PCSK6: variants seen among roughly 807,000 people sequenced by gnomAD.
PCSK6 encodes the protein paired basic amino acid cleaving enzyme 4.
PCSK6 carries 85 observed loss-of-function variants against 123.3 expected under a neutral mutation model. The ratio of observed to expected loss-of-function variants is 0.69; its 90% CI spans 0.58 to 0.83. The LOEUF is 0.83. PCSK6 is among the 40% of genes least tolerant of loss of function. The pLI, the probability that PCSK6 is intolerant of heterozygous loss-of-function variation, is 0.00. For missense variants in PCSK6, 1,191 were observed against 1,282.3 expected, an observed-to-expected ratio of 0.93 and a Z score of 1.09; for synonymous variants, 508 against 516.0, an observed-to-expected ratio of 0.98 and a Z score of 0.21.
At chr15:101,434,589 G>A (rs572308268) in intron 2 of PCSK6, among the ~76,000 whole-genome samples, 16 of 152,340 alleles carry the variant, frequency 1.1e-4, no homozygotes, top group African/African-American at 3.4e-4. Context: ...CCTGCGGCCC[G>A]CAGCACAGTT....
At chr15:101,315,374 C>T (rs1441886415) in intron 19 of PCSK6, among the ~76,000 whole-genome samples, 1 of 152,200 alleles carries the variant, frequency 6.6e-6, no homozygotes, top group Admixed American at 6.5e-5. Context: ...TTTCATAACT[C>T]AGTGAAAGTC....
intron 2 of PCSK6, among the ~76,000 whole-genome samples, chr15:101,440,964 C>A (rs948300051): frequency 1.3e-5 from 2 of 152,166 alleles, no homozygotes; most frequent in African/African-American, 4.8e-5. Flanking sequence ...TGTCTGTGTG[C>A]TTTCCCTGGG....
At chr15:101,484,543 C>G (rs768704516) in intron 1 of PCSK6, among the ~76,000 whole-genome samples, 10 of 152,198 alleles carry the variant, frequency 6.6e-5, no homozygotes, top group Non-Finnish European at 1.3e-4. Flanking sequence ...CGTGCACCAC[C>G]ACGCCCAGCT....
At chr15:101,436,402 C>A (rs967197593) in intron 2 of PCSK6, among the ~76,000 whole-genome samples, 2 of 152,188 alleles carry the variant, frequency 1.3e-5, no homozygotes, top group Non-Finnish European at 2.9e-5. Flanking sequence ...ACAGTTGTAG[C>A]CAACGCAAGG....
chr15:101,304,439 T>C lies in PCSK6; in HGVS notation c.*819A>G, dbSNP rs1310308794. ...TGGCTTTACATTTTGTTCAGAGGAA[T>C]TGCTTGGCCATCGGGGTACCTTTTG... On this transcript the variant is annotated 3_prime_UTR_variant, in exon 22 of 22. Coordinates refer to ENST00000611716, the MANE Select transcript of PCSK6 (RefSeq NM_002570.5). 1 of 152,194 alleles carries C rather than the reference T, an allele frequency of 6.6e-6. No individual in the cohort carries two copies. The highest frequency in any genetic ancestry group is 1.5e-5 in the Non-Finnish European group (1 of 68,020). 9.4% of individuals were successfully genotyped at this position (152,194 alleles called of 1,614,324 possible).
At chr15:101,342,418 G>C (rs536850625) in intron 13 of PCSK6, among the ~76,000 whole-genome samples, 18 of 152,224 alleles carry the variant, frequency 1.2e-4, no homozygotes, top group African/African-American at 4.1e-4. Context: ...GAGATAAAGT[G>C]GAATGCTGAC....
chr15:101,423,994 G>A (rs1338407049), intron 6 of PCSK6, among the ~76,000 whole-genome samples: 1 of 152,148 alleles, frequency 6.6e-6, no homozygotes, highest in African/African-American at 2.4e-5. Context: ...AGGCTGAGGT[G>A]GGAGGATCGC....
At chr15:101,320,502 G>C (rs937909623) in intron 18 of PCSK6, among the ~76,000 whole-genome samples, 1 of 152,150 alleles carries the variant, frequency 6.6e-6, no homozygotes, top group African/African-American at 2.4e-5. Context: ...TTGTGTGTGA[G>C]AGTAGGAGAA....
intron 1 of PCSK6, among the ~76,000 whole-genome samples, chr15:101,479,533 G>A (rs1417327526): frequency 6.6e-6 from 1 of 152,210 alleles, no homozygotes; most frequent in Non-Finnish European, 1.5e-5. Flanking sequence ...CATGGGCTGG[G>A]TGGCAGGGGA....
chr15:101,488,023 C>T (rs565189265), intron 1 of PCSK6, among the ~76,000 whole-genome samples: 1 of 152,274 alleles, frequency 6.6e-6, no homozygotes, highest in South Asian at 2.1e-4. Context: ...TCGAACCTGC[C>T]TTGTGAAGAT....
rs543739345 is a variant in PCSK6, at chr15:101,304,985, G to A, written c.*273C>T. The A allele has an allele frequency of 2.2e-6, 1 of 446,874 alleles. No individual in the cohort carries two copies. The highest frequency in any genetic ancestry group is 2.0e-5 in the African/African-American group (1 of 50,836). The allele number at this position is 446,874 out of a possible 1,614,324, so 27.7% of individuals were successfully genotyped here. A position where few individuals can be genotyped will look rare whatever the true frequency, so the allele number is the denominator to read the frequency against. On this transcript the variant is annotated 3_prime_UTR_variant, in exon 22 of 22. Transcript: ENST00000611716. ...GGTCCCAGAAGCTGCTCCAAAGCCAGAGCTGTGGATTCCCAGAATTCATTT... is the reference window on the plus strand; with the variant it reads ...GGTCCCAGAAGCTGCTCCAAAGCCAAAGCTGTGGATTCCCAGAATTCATTT...
Position 101,373,740 on chromosome 15 carries a change from G to GA in PCSK6, c.1533-3218dup, listed in dbSNP as rs566425053. Among the ~76,000 whole-genome samples the GA allele has an allele frequency of 6.7e-4, 102 of 152,180 alleles. 1 individual carries two copies. Among genetic ancestry groups the GA allele is most frequent in the Non-Finnish European group, 1.3e-3 (86 of 67,994 alleles). ...CAAGACAGAAAGTAGAACAGTCAAT[G>GA]AAAAAAACAGAAGTGGTTCTCCACC... On this transcript the variant is annotated intron_variant, in intron 11 of 21. Transcript: ENST00000611716.
intron 1 of PCSK6, among the ~76,000 whole-genome samples, chr15:101,454,863 T>C (rs1363868084): frequency 6.6e-6 from 1 of 152,068 alleles, no homozygotes; most frequent in Non-Finnish European, 1.5e-5. Context: ...GAGAATCGCT[T>C]GAACCCAGGA....
Position 101,398,275 on chromosome 15 carries a change from G to A in PCSK6, c.996+129C>T. The A allele has an allele frequency of 1.7e-6, 2 of 1,164,908 alleles. No individual in the cohort carries two copies. Among genetic ancestry groups the A allele is most frequent in the Non-Finnish European group, 1.2e-6 (1 of 832,874 alleles). 72.2% of individuals were successfully genotyped at this position (1,164,908 alleles called of 1,614,324 possible). A position where few individuals can be genotyped will look rare whatever the true frequency, so the allele number is the denominator to read the frequency against. ...CGAGTGACTCCTCCACACTGGCCCTGGCACCTGTCACAGCAGAGTCTTCCC... is the reference window on the plus strand; with the variant it reads ...CGAGTGACTCCTCCACACTGGCCCTAGCACCTGTCACAGCAGAGTCTTCCC... On this transcript the variant is annotated intron_variant, in intron 7 of 21. Coordinates refer to ENST00000611716, the MANE Select transcript of PCSK6 (RefSeq NM_002570.5). The surrounding 1 kb of genome is among the most constrained non-coding windows in gnomAD (Gnocchi z 4.6).
At chr15:101,345,187 C>T (rs2040702196) in intron 13 of PCSK6, among the ~76,000 whole-genome samples, 1 of 152,168 alleles carries the variant, frequency 6.6e-6, no homozygotes, top group East Asian at 1.9e-4. Context: ...TTCTGTTCAC[C>T]TCTTTGGCTG....
At chr15:101,361,839 C>G (rs1230977088) in intron 13 of PCSK6, among the ~76,000 whole-genome samples, 1 of 151,702 alleles carries the variant, frequency 6.6e-6, no homozygotes, top group Non-Finnish European at 1.5e-5. Context: ...CTATAGGGGA[C>G]TGAACTGAGG....
In PCSK6 at chr15:101,431,303, TC is replaced by T; in HGVS notation, c.657+16del. On this transcript the variant is annotated intron_variant, in intron 4 of 21. Coordinates refer to ENST00000611716, the MANE Select transcript of PCSK6 (RefSeq NM_002570.5). ...CAGTTGAATATATTTGCATGTCAGT[TC>T]CGAGGATTGACTTACATAATTTGGG... The T allele has an allele frequency of 3.7e-6, 6 of 1,613,626 alleles. No individual in the cohort carries two copies. Among genetic ancestry groups the T allele is most frequent in the Non-Finnish European group, 5.1e-6 (6 of 1,179,568 alleles).
intron 1 of PCSK6, among the ~76,000 whole-genome samples, chr15:101,461,112 C>T (rs541103868): frequency 6.6e-6 from 1 of 152,240 alleles, no homozygotes; most frequent in East Asian, 1.9e-4. Flanking sequence ...TAGCCAAACC[C>T]ATGGCACCAC....
chr15:101,335,149 A>C (rs1261978949), intron 13 of PCSK6, among the ~76,000 whole-genome samples: 1 of 152,126 alleles, frequency 6.6e-6, no homozygotes, highest in Non-Finnish European at 1.5e-5. Context: ...TGGTAGAGAT[A>C]GAGTTTCACT....
Sources: allele counts gnomAD v4.1 joint callset (sites outside exome capture counted in the v4.1 genomes callset), GRCh38; gene constraint gnomAD v4.1.1; non-coding constraint Gnocchi (gnomAD v3.1); transcripts MANE v1.5; gene names NCBI Gene and HGNC (gene_info 2026-07-23, HGNC 2026-07-21).